The following CREBBP variants were observed in gnomAD, a reference collection of about 807,000 sequenced individuals.
CREBBP encodes the protein CREB-binding protein.
A neutral mutation model predicts 265.0 loss-of-function variants in CREBBP; 19 were observed. The observed-to-expected ratio is 0.07, with a 90% confidence interval of 0.05 to 0.11. The LOEUF (loss-of-function observed/expected upper bound fraction) is 0.11. Ranked by LOEUF, CREBBP falls within the 10% of genes least tolerant of loss-of-function variation. CREBBP has a pLI of 1.00. For synonymous variants in CREBBP, 1,457 were observed against 1,223.7 expected (o/e 1.19, Z -3.98); for missense variants, 2,525 against 3,219.0 (o/e 0.78, Z 5.22).
At chr16:3,760,987 T>C (rs2052704050) in intron 16 of CREBBP, among the ~76,000 whole-genome samples, 2 of 152,026 alleles carry the variant, frequency 1.3e-5, no homozygotes, top group Admixed American at 6.6e-5. Flanking sequence ...GGAGTTTCAC[T>C]CTTGTTGTCT....
At chr16:3,764,973 G>GTT (rs1555480162) in intron 16 of CREBBP, among the ~76,000 whole-genome samples, 1 of 147,840 alleles carries the variant, frequency 6.8e-6, no homozygotes, top group Non-Finnish European at 1.5e-5. Context: ...TTTTTGTTTT[G>GTT]TTTTTGTTTT....
At chr16:3,821,589 A>G (rs2141380867) in intron 2 of CREBBP, among the ~76,000 whole-genome samples, 1 of 152,330 alleles carries the variant, frequency 6.6e-6, no homozygotes, top group African/African-American at 2.4e-5. Context: ...TTAAGTCCTA[A>G]TATTTTTTTT....
At chr16:3,797,636 A>C (rs1336757515) in intron 3 of CREBBP, among the ~76,000 whole-genome samples, 1 of 152,106 alleles carries the variant, frequency 6.6e-6, no homozygotes, top group Non-Finnish European at 1.5e-5. Flanking sequence ...ATTGTACTGC[A>C]CTCACTTATT....
chr16:3,849,435 GTGTGT>G (rs1567360318), intron 2 of CREBBP, among the ~76,000 whole-genome samples: 188 of 15,720 alleles, frequency 0.012, 7 homozygotes, highest in Non-Finnish European at 0.025. Context: ...GTGTGTGTGT[GTGTGT>G]GTGTGTGTGT....
At chr16:3,801,060 G>A (rs530309889) in intron 3 of CREBBP, among the ~76,000 whole-genome samples, 4 of 152,236 alleles carry the variant, frequency 2.6e-5, no homozygotes, top group South Asian at 4.1e-4. Flanking sequence ...ACACATCCCC[G>A]AGGGAAGAGT....
intron 5 of CREBBP, among the ~76,000 whole-genome samples, chr16:3,787,684 T>C (rs991797086): frequency 6.6e-6 from 1 of 151,922 alleles, no homozygotes; most frequent in African/African-American, 2.4e-5. Context: ...GTTTGAGACG[T>C]AGTCTTGCTC....
chr16:3,809,145 T>C (rs2053887991), intron 3 of CREBBP, among the ~76,000 whole-genome samples: 1 of 152,068 alleles, frequency 6.6e-6, no homozygotes, highest in African/African-American at 2.4e-5. Flanking sequence ...TTTCACAGTT[T>C]TGAGAGCAAG....
At chr16:3,783,063 A>G (rs112482506) in intron 5 of CREBBP, 137 bp from the exon 6 acceptor site, 7 of 1,182,286 alleles carry the variant, frequency 5.9e-6, no homozygotes, top group Non-Finnish European at 4.9e-6. Context: ...GCAGTAAACA[A>G]GCCTAGGGAG....
intron 27 of CREBBP, 190 bp from the exon 28 acceptor site, chr16:3,736,393 G>A (rs2052062287): frequency 1.3e-6 from 1 of 744,810 alleles, no homozygotes; most frequent in Non-Finnish European, 2.3e-6. Flanking sequence ...GAGCCCCTAT[G>A]TGTGCAACAG....
chr16:3,732,078 C>G, intron 28 of CREBBP, 141 bp from the exon 29 acceptor site: 1 of 1,505,064 alleles, frequency 6.6e-7, no homozygotes. Context: ...TGAACGGCTA[C>G]AGGTGGCTGT....
intron 16 of CREBBP, among the ~76,000 whole-genome samples, chr16:3,764,133 A>C (rs556204118): frequency 2.6e-5 from 4 of 151,900 alleles, no homozygotes; most frequent in Admixed American, 2.6e-4. Context: ...ATTTGTTTAA[A>C]ATTTTTCTTC....
At chr16:3,856,069 C>G (rs898716480) in intron 1 of CREBBP, among the ~76,000 whole-genome samples, 4 of 152,220 alleles carry the variant, frequency 2.6e-5, no homozygotes, top group South Asian at 2.1e-4. Context: ...TATACAATCA[C>G]ATGTCAACTA....
At chr16:3,853,782 CA>C (rs2080909658) in intron 1 of CREBBP, among the ~76,000 whole-genome samples, 1 of 149,556 alleles carries the variant, frequency 6.7e-6, no homozygotes, top group African/African-American at 2.5e-5. Context: ...ACTAAAAACA[CA>C]AAAATGAGCT....
At chr16:3,741,521 G>A (rs1335311570) in intron 23 of CREBBP, 2 of 152,232 alleles carry the variant, frequency 1.3e-5, no homozygotes, top group Admixed American at 1.3e-4. Flanking sequence ...AAAGAAAAAT[G>A]TGGCCGGGCA....
intron 2 of CREBBP, among the ~76,000 whole-genome samples, chr16:3,820,885 T>C (rs1016611662): frequency 1.3e-5 from 2 of 152,200 alleles, no homozygotes; most frequent in Non-Finnish European, 2.9e-5. Context: ...AATGCAGGCC[T>C]GTATCCTCAC....
In CREBBP at chr16:3,850,375, A is replaced by G. The variant is rs1398822241; in HGVS notation, c.720T>C (p.Ala240=). Residue 240 remains alanine (A), a synonymous_variant, in exon 2 of 31, where the codon GCT becomes GCC. Transcript: ENST00000262367. The part of the protein sequence containing the change: ...AMQGASSSVL[A]ETLTQVSPQM... ...GCGGGGAAACCTGCGTTAGGGTCTC[A>G]GCCAGCACGCTGCTCGAGGCGCCCT... 1.2e-6 allele frequency: 2 copies of G among 1,614,126 alleles called. No individual in the cohort carries two copies. Among genetic ancestry groups the G allele is most frequent in the Non-Finnish European group, 1.7e-6 (2 of 1,180,046 alleles).
At chr16:3,757,179 T>C (rs1567286677) in intron 19 of CREBBP, 109 bp downstream of exon 19, 6 of 974,458 alleles carry the variant, frequency 6.2e-6, no homozygotes, top group Non-Finnish European at 4.8e-6. Flanking sequence ...CGGCCTGAAA[T>C]TGGGCCACTT....
intron 1 of CREBBP, among the ~76,000 whole-genome samples, chr16:3,876,463 C>T (rs982479616): frequency 6.9e-6 from 1 of 145,560 alleles, no homozygotes; most frequent in Non-Finnish European, 1.5e-5. Flanking sequence ...CTACTGCTTG[C>T]CTGGATATTT....
chr16:3,861,815 A>G (rs1267748991), intron 1 of CREBBP, among the ~76,000 whole-genome samples: 3 of 151,936 alleles, frequency 2.0e-5, no homozygotes, highest in Admixed American at 6.6e-5. Context: ...CCTCCTTCTA[A>G]AATCTTCCGT....
Sources: gnomAD v4.1 joint callset for allele counts (sites outside exome capture counted in the v4.1 genomes callset) on GRCh38, gnomAD v4.1.1 for gene constraint, MANE v1.5 for transcripts, NCBI Gene and HGNC (gene_info 2026-07-23, HGNC 2026-07-21) for gene names.